Variants in ESF1 observed in about 807,000 individuals in gnomAD.
ESF1 encodes the protein ESF1 nucleolar pre-rRNA processing protein.
In ESF1, 58 loss-of-function variants were observed where a neutral mutation model predicts 92.0. The ratio of observed to expected loss-of-function variants is 0.63; its 90% CI spans 0.51 to 0.78. The LOEUF (loss-of-function observed/expected upper bound fraction) is 0.78, where lower values mean the gene tolerates loss of function less well. Among genes scored for constraint, ESF1 ranks in the 30% least tolerant of loss-of-function variants. The probability of loss-of-function intolerance (pLI) is 0.00; values close to 1 mark genes in which losing one functional copy is unlikely to be tolerated. For missense variants in ESF1, 922 were observed against 989.1 expected, an observed-to-expected ratio of 0.93 and a Z score of 0.91; for synonymous variants, 321 against 313.7, an observed-to-expected ratio of 1.02 and a Z score of -0.24.
intron 10 of ESF1, among the ~76,000 whole-genome samples, chr20:13,732,361 A>G (rs2049948835): frequency 6.6e-6 from 1 of 152,182 alleles, no homozygotes; most frequent in South Asian, 2.1e-4. Context: ...TTTTCCCAAA[A>G]CACCCAATTT....
intron 8 of ESF1, among the ~76,000 whole-genome samples, chr20:13,765,444 T>C (rs1243381290): frequency 6.6e-6 from 1 of 152,118 alleles, no homozygotes; most frequent in Admixed American, 6.6e-5. Context: ...AAGAAGGGAA[T>C]ATTAGAGGGA....
intron 11 of ESF1, among the ~76,000 whole-genome samples, chr20:13,727,443 T>C (rs2049907817): frequency 6.6e-6 from 1 of 152,220 alleles, no homozygotes. Flanking sequence ...TTGAGAACTA[T>C]TCTGGCCCAC....
intron 9 of ESF1, among the ~76,000 whole-genome samples, chr20:13,751,814 G>A (rs997253342): frequency 1.3e-5 from 2 of 152,102 alleles, no homozygotes; most frequent in Admixed American, 1.3e-4. Context: ...AGCCAACATG[G>A]TGAAACCCTG....
intron 8 of ESF1, among the ~76,000 whole-genome samples, chr20:13,764,699 C>T (rs374133405): frequency 1.8e-4 from 27 of 152,124 alleles, no homozygotes; most frequent in African/African-American, 4.6e-4. Context: ...ATATTTCCCA[C>T]GCATTACATG....
At chr20:13,734,498 T>C (rs1462327709) in intron 9 of ESF1, among the ~76,000 whole-genome samples, 1 of 152,198 alleles carries the variant, frequency 6.6e-6, no homozygotes, top group African/African-American at 2.4e-5. Context: ...TTTGCTCTTA[T>C]ATTTCATCTC....
chr20:13,720,697 T>C (rs2049862000), intron 11 of ESF1, among the ~76,000 whole-genome samples: 1 of 152,242 alleles, frequency 6.6e-6, no homozygotes, highest in African/African-American at 2.4e-5. Flanking sequence ...TATAAATACA[T>C]TTTTATGATA....
intron 13 of ESF1, among the ~76,000 whole-genome samples, chr20:13,715,804 TG>T (rs1467658436): frequency 1.3e-5 from 2 of 152,128 alleles, no homozygotes; most frequent in African/African-American, 4.8e-5. Context: ...GCCAGGCAGA[TG>T]GGTAACCAGC....
rs748966768 is a variant in ESF1, at chr20:13,782,580, T to C, written c.561A>G (p.Thr187=). 20 of 1,591,144 alleles carry C rather than the reference T, an allele frequency of 1.3e-5. No homozygotes were observed. In the African/African-American group the frequency reaches 1.9e-4, roughly 15 times the overall value. The change falls in exon 2 of 14, where the codon ACA becomes ACG. Residue 187 remains threonine, a synonymous_variant. Transcript: ENST00000617257. The stretch of plus-strand genomic sequence containing the variant: ...CAATTTCAGAGGTGCCTGAGTCTAA[T>C]GTCCTTTGTTTTTCTTCGAGAGAAG... The part of the protein sequence containing the change: ...TDSSLEEKQR[T]LDSGTSEIVK...
At chr20:13,772,424 A>C in intron 5 of ESF1, 91 bp downstream of exon 5, 2 of 946,804 alleles carry the variant, frequency 2.1e-6, no homozygotes, top group Admixed American at 1.8e-5. Context: ...ACAAGTATAA[A>C]CTTTAGTTTT....
At chr20:13,731,476 G>A (rs1299805871) in intron 10 of ESF1, among the ~76,000 whole-genome samples, 1 of 146,122 alleles carries the variant, frequency 6.8e-6, no homozygotes, top group Non-Finnish European at 1.5e-5. Context: ...AGCTTGCAGT[G>A]AGCCGAGATC....
In ESF1 at chr20:13,776,017, G is replaced by A. The variant is rs1172175813; in HGVS notation, c.891C>T (p.Asp297=). 6.2e-6 allele frequency: 10 copies of A among 1,613,858 alleles called. No homozygotes were observed. Among genetic ancestry groups the A allele is most frequent in the Non-Finnish European group, 8.5e-6 (10 of 1,179,906 alleles). Residue 297 remains aspartate, a synonymous_variant, in exon 3 of 14, where the codon GAC becomes GAT. Transcript: ENST00000617257. ...TACCCCTTGCAAGATCAGGGCCACT[G>A]TCACTTTTATCATCATCCTCACTAT... ...DEDSEDDDKS[D]SGPDLARGKG... is the part of the protein sequence containing the mutation.
intron 10 of ESF1, among the ~76,000 whole-genome samples, chr20:13,730,400 T>C (rs1164653609): frequency 1.1e-4 from 16 of 150,330 alleles, no homozygotes; most frequent in African/African-American, 3.9e-4. Flanking sequence ...TTTTTTTTTT[T>C]TGAGACGGAG....
intron 9 of ESF1, among the ~76,000 whole-genome samples, chr20:13,748,429 C>CAT (rs549400464): frequency 6.3e-5 from 9 of 143,900 alleles, no homozygotes; most frequent in African/African-American, 1.8e-4. Context: ...TACATATACA[C>CAT]ATATATATAC....
chr20:13,748,436 A>ATACATATACACATATATG (rs1978382876), intron 9 of ESF1, among the ~76,000 whole-genome samples: 1 of 145,558 alleles, frequency 6.9e-6, no homozygotes, highest in Non-Finnish European at 1.5e-5. Flanking sequence ...ACACATATAT[A>ATACATATACACATATATG]TACACATATA....
At chr20:13,729,064 G>GC (rs1016583096) in intron 10 of ESF1, among the ~76,000 whole-genome samples, 1 of 152,058 alleles carries the variant, frequency 6.6e-6, no homozygotes, top group Non-Finnish European at 1.5e-5. Context: ...TTTGAGACCA[G>GC]CCTGGCCAAC....
chr20:13,735,196 C>T (rs2049968370), intron 9 of ESF1, among the ~76,000 whole-genome samples: 1 of 152,086 alleles, frequency 6.6e-6, no homozygotes, highest in Non-Finnish European at 1.5e-5. Flanking sequence ...GGGCCTTGAG[C>T]TTCAACCAAC....
chr20:13,772,257 A>C (rs1187266563), intron 5 of ESF1, among the ~76,000 whole-genome samples: 1 of 152,106 alleles, frequency 6.6e-6, no homozygotes, highest in African/African-American at 2.4e-5. Context: ...AAAGAACTCC[A>C]AATCAGTTTA....
chr20:13,762,854 G>GTTTTTTTTT (rs33986564), intron 8 of ESF1: 45 of 186,856 alleles, frequency 2.4e-4, no homozygotes, highest in Middle Eastern at 2.2e-3. Flanking sequence ...ATTTATTAAA[G>GTTTTTTTTT]TTTTTTTTTT....
At chr20:13,767,792 G>C (rs1344238445) in intron 7 of ESF1, among the ~76,000 whole-genome samples, 2 of 152,110 alleles carry the variant, frequency 1.3e-5, no homozygotes, top group African/African-American at 2.4e-5. Context: ...CCTGTACATA[G>C]CCCCTATTCT....
Sources: allele counts gnomAD v4.1 joint callset (sites outside exome capture counted in the v4.1 genomes callset), GRCh38; gene constraint gnomAD v4.1.1; transcripts MANE v1.5; gene names NCBI Gene and HGNC (gene_info 2026-07-23, HGNC 2026-07-21).